Variants in RNF17 observed in about 807,000 individuals in gnomAD.
RNF17 encodes spermatogenesis associated 23.
Under a neutral mutation model 200.5 loss-of-function variants are expected in RNF17, and 31 were observed. The ratio of observed to expected loss-of-function variants is 0.15; its 90% confidence interval spans 0.12 to 0.21. The LOEUF is 0.21. Among genes scored for constraint, RNF17 ranks in the 10% least tolerant of loss-of-function variants. The pLI is 1.00. For synonymous variants in RNF17, 606 were observed against 637.8 expected (o/e 0.95, Z 0.75); for missense variants, 1,628 against 1,905.1 (o/e 0.85, Z 2.71).
At chr13:24,767,389 T>G (rs1879859054) in intron 2 of RNF17, 23 bp downstream of exon 2, 1 of 1,391,620 alleles carries the variant, frequency 7.2e-7, no homozygotes. Context: ...ATTTTTCAGA[T>G]GAAACATATC....
chr13:24,874,295 A>G (rs754051260), intron 33 of RNF17, 46 bp downstream of exon 33: 2 of 1,462,264 alleles, frequency 1.4e-6, no homozygotes, highest in South Asian at 2.7e-5. Context: ...CTTTTTTTTT[A>G]AATAGTTTTC....
At chr13:24,795,406 TG>T (rs1320037215) in intron 10 of RNF17, among the ~76,000 whole-genome samples, 13 of 150,524 alleles carry the variant, frequency 8.6e-5, no homozygotes, top group Admixed American at 8.6e-4. Context: ...TCTCTCTATG[TG>T]TGTGTGGCGG....
chr13:24,783,513 A>G (rs1054072908), intron 6 of RNF17, among the ~76,000 whole-genome samples: 1 of 152,190 alleles, frequency 6.6e-6, no homozygotes, highest in African/African-American at 2.4e-5. Flanking sequence ...GTTCCAATCT[A>G]TGCACATGGG....
intron 25 of RNF17, among the ~76,000 whole-genome samples, chr13:24,856,044 C>T (rs1220420081): frequency 6.6e-6 from 1 of 152,092 alleles, no homozygotes; most frequent in Admixed American, 6.6e-5. Flanking sequence ...TTTTCAGTGT[C>T]TTTTGGGAGT....
rs563030444 is a variant in RNF17 at position 24,800,664 on chromosome 13, G to C, written c.1758+130G>C. The stretch of plus-strand genomic sequence containing the variant: ...ATAAATACATAGTGCATATTAAACT[G>C]TTAGTTCTAATAGAAAAGGAAATGA... On this transcript the variant is annotated intron_variant, in intron 13 of 35. Coordinates refer to ENST00000255324, the MANE Select transcript of RNF17 (RefSeq NM_031277.3). The C allele has an allele frequency of 3.6e-5, 22 of 610,884 alleles. No individual in the cohort carries two copies. In the South Asian group the frequency reaches 7.4e-4, roughly 21 times the overall value. 37.8% of individuals were successfully genotyped at this position (610,884 alleles called of 1,614,324 possible). A position where few individuals can be genotyped will look rare whatever the true frequency, so the allele number is the denominator to read the frequency against.
chr13:24,750,271 T>G, the RNF17 span, among the ~76,000 whole-genome samples: 1 of 152,248 alleles, frequency 6.6e-6, no homozygotes, highest in Admixed American at 6.5e-5. Flanking sequence ...TTTTTGTTTG[T>G]TTGGTTTTGG....
intron 15 of RNF17, among the ~76,000 whole-genome samples, chr13:24,815,240 G>A (rs1391580563): frequency 1.3e-5 from 2 of 152,036 alleles, no homozygotes. Context: ...GTGGTTTTCA[G>A]CATAACAATT....
chr13:24,879,648 A>C (rs1895239767), intron 35 of RNF17, 89 bp from the exon 36 acceptor site: 1 of 170,490 alleles, frequency 5.9e-6, no homozygotes, highest in South Asian at 1.9e-4. Flanking sequence ...GTAGCCAGCT[A>C]ACTTTTTATC....
At chr13:24,879,931 G>C (rs1566270553), downstream of RNF17, 2 of 152,054 alleles carry the variant, frequency 1.3e-5, no homozygotes, top group Non-Finnish European at 1.5e-5. Context: ...ACATTTGCTT[G>C]TTTCATTTTA....
intron 22 of RNF17, among the ~76,000 whole-genome samples, chr13:24,849,273 A>T (rs1470482698): frequency 6.6e-6 from 1 of 152,212 alleles, no homozygotes; most frequent in African/African-American, 2.4e-5. Context: ...TGTTATCTGT[A>T]ATCTCTTCTG....
intron 31 of RNF17, 45 bp from the exon 32 acceptor site, chr13:24,870,526 G>A (rs781295666): frequency 1.3e-6 from 2 of 1,565,984 alleles, no homozygotes; most frequent in South Asian, 2.3e-5. Flanking sequence ...GTGAATTCTT[G>A]ACATTCCAGA....
chr13:24,770,380 C>A (rs1880490596), intron 2 of RNF17, among the ~76,000 whole-genome samples: 1 of 152,104 alleles, frequency 6.6e-6, no homozygotes, highest in South Asian at 2.1e-4. Context: ...AGTTAAGAGT[C>A]TTTCTGCAGT....
downstream of RNF17, chr13:24,882,883 T>A (rs1052242133): frequency 2.4e-5 from 9 of 382,666 alleles, no homozygotes; most frequent in East Asian, 6.0e-5. Flanking sequence ...GGTTTTTTTT[T>A]ATAGCCATTT....
the RNF17 span, among the ~76,000 whole-genome samples, chr13:24,747,912 G>C: frequency 6.6e-6 from 1 of 152,248 alleles, no homozygotes; most frequent in Middle Eastern, 3.2e-3. Context: ...CCCCGTGCTC[G>C]GGCCCTACCC....
At chr13:24,818,469 A>G (rs7983686) in intron 15 of RNF17, among the ~76,000 whole-genome samples, 18,862 of 152,116 alleles carry the variant, frequency 0.12, 1,280 homozygotes, top group Admixed American at 0.15. Context: ...TGCACTATTG[A>G]AAGTGGAATA....
the RNF17 span, among the ~76,000 whole-genome samples, chr13:24,753,748 T>C: frequency 6.6e-6 from 1 of 152,244 alleles, no homozygotes; most frequent in Non-Finnish European, 1.5e-5. Flanking sequence ...TTGTCCCCCA[T>C]TAAAAATGTT....
At chr13:24,828,102 A>G (rs1888951568) in intron 16 of RNF17, among the ~76,000 whole-genome samples, 1 of 152,230 alleles carries the variant, frequency 6.6e-6, no homozygotes, top group South Asian at 2.1e-4. Context: ...AAGCATTTTC[A>G]TGACACTAAG....
At chr13:24,812,567 G>C (rs867570621) in intron 15 of RNF17, among the ~76,000 whole-genome samples, 2 of 151,820 alleles carry the variant, frequency 1.3e-5, no homozygotes, top group Non-Finnish European at 2.9e-5. Context: ...AGATGAACCC[G>C]GTACCTCAGA....
At chr13:24,868,425 C>A (rs552923183) in intron 30 of RNF17, among the ~76,000 whole-genome samples, 175 bp from the exon 31 acceptor site, 2 of 131,990 alleles carry the variant, frequency 1.5e-5, no homozygotes, top group Non-Finnish European at 3.2e-5. Flanking sequence ...AGCCGAGATC[C>A]CGCCACTGCA....
Sources: allele counts gnomAD v4.1 joint callset (sites outside exome capture counted in the v4.1 genomes callset), GRCh38; gene constraint gnomAD v4.1.1; transcripts MANE v1.5; gene names NCBI Gene and HGNC (gene_info 2026-07-23, HGNC 2026-07-21).